The following C12orf42 variants were observed in gnomAD, a reference collection of about 807,000 sequenced individuals.
C12orf42 encodes chromosome 12 open reading frame 42, also known as uncharacterized protein C12orf42.
Under a neutral mutation model 21.6 loss-of-function variants are expected in C12orf42, and 25 were observed. The ratio of observed to expected loss-of-function variants is 1.16; its 90% CI spans 0.84 to 1.62. The LOEUF is 1.62. C12orf42 is among the 40% of genes most tolerant of loss of function. The pLI is 0.00. For synonymous variants in C12orf42, 174 were observed against 175.0 expected, an observed-to-expected ratio of 0.99 and a Z score of 0.05; for missense variants, 483 against 459.3, an observed-to-expected ratio of 1.05 and a Z score of -0.47.
chr12:103,476,097 T>G (rs797011169), intron 2 of C12orf42, among the ~76,000 whole-genome samples: 4 of 152,264 alleles, frequency 2.6e-5, no homozygotes, highest in African/African-American at 9.6e-5. Flanking sequence ...GCAGGAAGTA[T>G]GGAAAGAGTA....
At chr12:103,445,457 T>G (rs370580627) in intron 2 of C12orf42, among the ~76,000 whole-genome samples, 13 of 151,696 alleles carry the variant, frequency 8.6e-5, no homozygotes, top group Non-Finnish European at 1.6e-4. Context: ...TTTTGGGGGG[T>G]TTTTGGTGTG....
the C12orf42 span, among the ~76,000 whole-genome samples, chr12:103,072,430 T>G: frequency 5.1e-4 from 77 of 151,918 alleles, no homozygotes; most frequent in African/African-American, 1.7e-3. Flanking sequence ...TCTCTTGTAT[T>G]TTTTGTTCTC....
chr12:103,237,547 G>A (rs1179265296), downstream of C12orf42: 4 of 152,162 alleles, frequency 2.6e-5, no homozygotes, highest in Admixed American at 2.0e-4. Flanking sequence ...CAGGTGTATT[G>A]GTTAGCTTTT....
chr12:103,315,323 C>A (rs56992478), intron 4 of C12orf42, among the ~76,000 whole-genome samples: 1 of 151,990 alleles, frequency 6.6e-6, no homozygotes, highest in Non-Finnish European at 1.5e-5. Context: ...TGTGCTCTAA[C>A]AGAACAAGTA....
chr12:103,325,264 C>T (rs947972652), intron 4 of C12orf42, among the ~76,000 whole-genome samples: 7 of 152,154 alleles, frequency 4.6e-5, no homozygotes, highest in South Asian at 2.1e-4. Flanking sequence ...TCTTTTTGAA[C>T]GACGTTCTTG....
the C12orf42 span, among the ~76,000 whole-genome samples, chr12:103,520,771 T>A: frequency 2.6e-3 from 398 of 152,340 alleles, 2 homozygotes; most frequent in Non-Finnish European, 5.0e-3. Context: ...AAAATGGAAC[T>A]GTGAAGACTT....
At chr12:103,283,425 T>C (rs1004357955) in intron 4 of C12orf42, among the ~76,000 whole-genome samples, 2 of 152,222 alleles carry the variant, frequency 1.3e-5, no homozygotes, top group East Asian at 3.9e-4. Context: ...TAAAACCTTT[T>C]AGTGACTCTC....
downstream of C12orf42, among the ~76,000 whole-genome samples, chr12:103,265,324 C>T (rs754445283): frequency 2.1e-4 from 32 of 152,128 alleles, no homozygotes; most frequent in Non-Finnish European, 4.3e-4. Flanking sequence ...TATCAAATGT[C>T]TTCTATATGC....
intron 3 of C12orf42, among the ~76,000 whole-genome samples, chr12:103,389,208 G>T (rs1018181997): frequency 2.0e-5 from 3 of 152,190 alleles, no homozygotes; most frequent in African/African-American, 7.2e-5. Flanking sequence ...ATGGGGAATG[G>T]GTTGGGGGTG....
chr12:103,280,495 T>A (rs1364947198), intron 4 of C12orf42, among the ~76,000 whole-genome samples: 1 of 152,056 alleles, frequency 6.6e-6, no homozygotes, highest in East Asian at 1.9e-4. Context: ...AGCATGCACC[T>A]GTAATCTCAG....
intron 2 of C12orf42, among the ~76,000 whole-genome samples, chr12:103,459,749 TA>T (rs1461190571): frequency 4.6e-5 from 7 of 152,328 alleles, no homozygotes; most frequent in Admixed American, 2.0e-4. Flanking sequence ...AAGGGACACT[TA>T]GATAAAGCCA....
At chr12:103,459,328 C>A (rs1952529488) in intron 2 of C12orf42, among the ~76,000 whole-genome samples, 1 of 152,138 alleles carries the variant, frequency 6.6e-6, no homozygotes, top group South Asian at 2.1e-4. Context: ...TAAATATAAT[C>A]CCAGTGTTGC....
chr12:103,050,643 A>G, the C12orf42 span, among the ~76,000 whole-genome samples: 285 of 151,900 alleles, frequency 1.9e-3, 1 homozygote, highest in Non-Finnish European at 3.4e-3. Flanking sequence ...GCAGCCCTAG[A>G]CTCTTCACCT....
intron 3 of C12orf42, among the ~76,000 whole-genome samples, chr12:103,388,526 T>C (rs1028949482): frequency 1.3e-5 from 2 of 151,940 alleles, no homozygotes; most frequent in African/African-American, 4.8e-5. Flanking sequence ...TTCTACTGCA[T>C]TTGTATTTGC....
the C12orf42 span, among the ~76,000 whole-genome samples, chr12:103,086,022 T>G: frequency 6.6e-6 from 1 of 152,296 alleles, no homozygotes; most frequent in South Asian, 2.1e-4. Context: ...CTCCAATACC[T>G]CAGAGCAGAA....
intron 2 of C12orf42, among the ~76,000 whole-genome samples, chr12:103,428,662 C>CA (rs1301828733): frequency 6.6e-6 from 1 of 151,906 alleles, no homozygotes; most frequent in Non-Finnish European, 1.5e-5. Context: ...AGAGACACAA[C>CA]AAAAAAAGAA....
chr12:103,219,246 T>C, the C12orf42 span, among the ~76,000 whole-genome samples: 1 of 152,160 alleles, frequency 6.6e-6, no homozygotes, highest in African/African-American at 2.4e-5. Flanking sequence ...TTACACCTTA[T>C]ACAAACATTA....
chr12:103,229,306 A>G, the C12orf42 span, among the ~76,000 whole-genome samples: 5 of 152,164 alleles, frequency 3.3e-5, no homozygotes, highest in African/African-American at 1.2e-4. Context: ...GTATTATTTC[A>G]CATAGCAGGA....
At position 103,302,021 on chromosome 12, in the gene C12orf42, C is replaced by T; in HGVS notation, c.*87G>A. 4 of 1,374,974 alleles carry T rather than the reference C, an allele frequency of 2.9e-6. No homozygotes were observed. Among genetic ancestry groups the T allele is most frequent in the African/African-American group, 1.5e-5 (1 of 68,770 alleles). 85.2% of individuals were successfully genotyped at this position (1,374,974 alleles called of 1,614,324 possible). A position where few individuals can be genotyped will look rare whatever the true frequency, so the allele number is the denominator to read the frequency against. On this transcript the variant is annotated 3_prime_UTR_variant, in exon 6 of 6. Coordinates refer to ENST00000548883, the MANE Select transcript of C12orf42 (RefSeq NM_198521.5). ...AAGCCTAACAATGGTTCTGTGGAAACCAGTACATCTGAGGCCCTTTCTGTT... is the reference window on the plus strand; with the variant it reads ...AAGCCTAACAATGGTTCTGTGGAAATCAGTACATCTGAGGCCCTTTCTGTT...
Sources: allele counts gnomAD v4.1 joint callset (sites outside exome capture counted in the v4.1 genomes callset), GRCh38; gene constraint gnomAD v4.1.1; transcripts MANE v1.5; gene names NCBI Gene and HGNC (gene_info 2026-07-23, HGNC 2026-07-21).